The following SRFBP1 variants were observed in gnomAD, a reference collection of about 807,000 sequenced individuals.
The protein encoded by SRFBP1 is serum response factor-binding protein 1.
A neutral mutation model predicts 45.5 loss-of-function variants in SRFBP1; 47 were observed. The ratio of observed to expected loss-of-function variants is 1.03; its 90% CI spans 0.82 to 1.32. The LOEUF is 1.32. Ranked by LOEUF, SRFBP1 falls within the 40% of genes most tolerant of loss-of-function variation. The pLI is 0.00. For synonymous variants in SRFBP1, 203 were observed against 166.3 expected (o/e 1.22, Z -1.70); for missense variants, 621 against 484.6 (o/e 1.28, Z -2.64).
In SRFBP1 at chr5:122,027,999, A is replaced by G. The variant is rs961858898; in HGVS notation, c.*873A>G. The G allele has an allele frequency of 6.6e-6, 1 of 152,204 alleles. No homozygotes were observed. The highest frequency in any genetic ancestry group is 1.5e-5 in the Non-Finnish European group (1 of 68,040). 9.4% of individuals were successfully genotyped at this position (152,204 alleles called of 1,614,324 possible). The stretch of plus-strand genomic sequence containing the variant: ...ATCATAGATTCTAATTTTTAAGAAC[A>G]AATTCTGAAGGTGGTAGGATTAAAA... On this transcript the variant is annotated 3_prime_UTR_variant, in exon 8 of 8. Transcript: ENST00000339397.
At chr5:122,008,811 T>C (rs573355858) in intron 4 of SRFBP1, among the ~76,000 whole-genome samples, 32 of 152,252 alleles carry the variant, frequency 2.1e-4, no homozygotes, top group Admixed American at 3.9e-4. Context: ...TGGAGTTACT[T>C]GGTTATGGAA....
chr5:122,044,593 T>C (rs926534246), intron 2 of SRFBP1, among the ~76,000 whole-genome samples: 8 of 152,198 alleles, frequency 5.3e-5, no homozygotes, highest in African/African-American at 1.7e-4. Context: ...GATTGACATT[T>C]CTCAAATGAT....
chr5:121,989,818 A>G (rs1428255927), intron 3 of SRFBP1, among the ~76,000 whole-genome samples: 1 of 152,156 alleles, frequency 6.6e-6, no homozygotes, highest in African/African-American at 2.4e-5. Flanking sequence ...AGTAATTTAG[A>G]ATACTTATGA....
At chr5:122,020,032 A>G in intron 5 of SRFBP1, 56 bp from the exon 6 acceptor site, 1 of 1,235,364 alleles carries the variant, frequency 8.1e-7, no homozygotes, top group Non-Finnish European at 1.1e-6. Flanking sequence ...GTCCTAAAAC[A>G]GTCATGTTTT....
In SRFBP1 at chr5:122,070,080, G is replaced by A. The variant is rs1478649419; in HGVS notation, n.312-5235G>A. 5.6e-6 allele frequency: 9 copies of A among 1,611,578 alleles called. No homozygotes were observed. In the Middle Eastern group the frequency reaches 6.6e-4, roughly 118 times the overall value. On this transcript the variant is annotated intron_variant and non_coding_transcript_variant, in intron 2 of 2. Coordinates refer to the SRFBP1 transcript ENST00000504881. Reference sequence around the variant, plus strand: ...TGAAATTGTGCAGCCTGAGGCATACGCATGATGTCCTGTGTAGCGAATGTC... The same window carrying A: ...TGAAATTGTGCAGCCTGAGGCATACACATGATGTCCTGTGTAGCGAATGTC...
chr5:122,012,774 A>G (rs1337738439), intron 4 of SRFBP1, among the ~76,000 whole-genome samples: 2 of 152,140 alleles, frequency 1.3e-5, no homozygotes, highest in East Asian at 3.8e-4. Context: ...ATGATTTCTT[A>G]TAGTGTTATA....
intron 2 of SRFBP1, among the ~76,000 whole-genome samples, chr5:122,039,599 A>G (rs1034191302): frequency 2.6e-5 from 4 of 152,142 alleles, no homozygotes; most frequent in Non-Finnish European, 5.9e-5. Context: ...CACTTCTTCC[A>G]TTATATCCCA....
At chr5:122,013,651 C>G (rs561451798) in intron 4 of SRFBP1, among the ~76,000 whole-genome samples, 2 of 152,168 alleles carry the variant, frequency 1.3e-5, no homozygotes, top group East Asian at 3.9e-4. Flanking sequence ...AAGGGACGTA[C>G]AAGTGGTTTA....
At position 122,020,088 on chromosome 5, in the gene SRFBP1, C is replaced by G. The variant is rs534845102; in HGVS notation, c.353C>G (p.Ala118Gly). ...GAGTGATGCACTGTTTCTCTTGCAG[C>G]TGCTGTACAAGCCTTTAAAGAAGCA... ...LLKKKIDVLKAAVQAFKEARQ... is the reference protein window; with the variant it reads ...LLKKKIDVLKGAVQAFKEARQ... The change falls in exon 6 of 8, where the codon GCT becomes GGT. Residue 118 changes from alanine (A) to glycine (G), a missense_variant and splice_region_variant. Coordinates refer to ENST00000339397, the MANE Select transcript of SRFBP1 (RefSeq NM_152546.3). The G allele has an allele frequency of 4.4e-5, 68 of 1,539,962 alleles. No homozygotes were observed. The South Asian group carries it at 7.0e-4, about 16-fold the overall frequency.
chr5:121,976,327 T>G (rs1441371378), intron 3 of SRFBP1, among the ~76,000 whole-genome samples: 1 of 151,984 alleles, frequency 6.6e-6, no homozygotes, highest in African/African-American at 2.4e-5. Context: ...ATAAAATTCA[T>G]GGAATCCATC....
chr5:122,003,547 C>G (rs1255655844), intron 4 of SRFBP1, among the ~76,000 whole-genome samples: 1 of 152,066 alleles, frequency 6.6e-6, no homozygotes, highest in Non-Finnish European at 1.5e-5. Context: ...TACTGATTTC[C>G]TTTCCTTTGG....
downstream of SRFBP1, chr5:122,076,762 C>T (rs897459021): frequency 1.3e-5 from 9 of 706,022 alleles, no homozygotes; most frequent in Admixed American, 9.6e-5. Context: ...CAGGAGGTCA[C>T]GTCCCACTTC....
rs570839690 is a variant in SRFBP1, at chr5:122,034,208, T to A, written n.311+11801T>A. 2.6e-5 allele frequency among the ~76,000 whole-genome samples: 4 copies of A among 152,302 alleles called. No homozygotes were observed. In the South Asian group the frequency reaches 8.3e-4, roughly 32 times the overall value. ...GGTTCTTTATGAACCCAAATGAAGA[T>A]CTTTTCCATTTAATAAGTGAAGTAA... On this transcript the variant is annotated intron_variant and non_coding_transcript_variant, in intron 2 of 2. Transcript: ENST00000504881.
chr5:122,046,207 C>G (rs1422785073), intron 2 of SRFBP1, among the ~76,000 whole-genome samples: 1 of 152,100 alleles, frequency 6.6e-6, no homozygotes. Flanking sequence ...CCCCCTCACC[C>G]CACAACAGGC....
intron 3 of SRFBP1, among the ~76,000 whole-genome samples, chr5:121,984,296 T>C (rs115478111): frequency 0.01 from 1,578 of 151,962 alleles, 25 homozygotes; most frequent in African/African-American, 0.036. Context: ...CCAACTGCAC[T>C]AAACAGAAAT....
chr5:121,983,315 A>G (rs952778676), intron 3 of SRFBP1, among the ~76,000 whole-genome samples: 1 of 151,780 alleles, frequency 6.6e-6, no homozygotes, highest in Non-Finnish European at 1.5e-5. Context: ...GAAGTGTTCT[A>G]TTTAGAATCT....
At chr5:122,072,832 C>G (rs757297153) in intron 2 of SRFBP1, among the ~76,000 whole-genome samples, 7 of 152,200 alleles carry the variant, frequency 4.6e-5, no homozygotes, top group Non-Finnish European at 7.3e-5. Context: ...ACAATCCCAG[C>G]TTCAAATATT....
At chr5:122,067,999 GT>G (rs953776802) in intron 2 of SRFBP1, among the ~76,000 whole-genome samples, 1 of 151,758 alleles carries the variant, frequency 6.6e-6, no homozygotes, top group East Asian at 1.9e-4. Context: ...AAGGTGTGGG[GT>G]TTTTTTCTCA....
At chr5:121,984,589 G>A (rs1379174426) in intron 3 of SRFBP1, among the ~76,000 whole-genome samples, 4 of 151,636 alleles carry the variant, frequency 2.6e-5, no homozygotes, top group Non-Finnish European at 4.4e-5. Context: ...ATTTTTGTTT[G>A]ACTTATTTGC....
Sources: allele counts gnomAD v4.1 joint callset (sites outside exome capture counted in the v4.1 genomes callset), GRCh38; gene constraint gnomAD v4.1.1; transcripts MANE v1.5; gene names NCBI Gene and HGNC (gene_info 2026-07-23, HGNC 2026-07-21).